NFIA: variants seen among roughly 807,000 people sequenced by gnomAD.
The protein encoded by NFIA is nuclear factor I A.
In NFIA, 8 loss-of-function variants were observed where a neutral mutation model predicts 62.8. The observed-to-expected ratio is 0.13, with a 90% CI of 0.07 to 0.23. The LOEUF is 0.23. NFIA is among the 10% of genes least tolerant of loss of function. The probability of loss-of-function intolerance (pLI) is 1.00; values close to 1 mark genes in which losing one functional copy is unlikely to be tolerated. For missense variants in NFIA, 410 were observed against 642.1 expected (o/e 0.64, Z 3.91); for synonymous variants, 235 against 238.1 (o/e 0.99, Z 0.12).
chr1:61,267,920 G>A (rs376536230), intron 2 of NFIA, among the ~76,000 whole-genome samples: 187 of 152,192 alleles, frequency 1.2e-3, no homozygotes, highest in African/African-American at 4.3e-3. Context: ...GATGCCAAGC[G>A]AATGAATGAA....
intron 2 of NFIA, among the ~76,000 whole-genome samples, chr1:61,212,929 C>T (rs948858623): frequency 1.1e-4 from 17 of 152,156 alleles, no homozygotes; most frequent in African/African-American, 4.1e-4. Context: ...GCTAATGTTG[C>T]CTTCACACTG....
chr1:61,424,588 C>T (rs1422782614), intron 9 of NFIA, among the ~76,000 whole-genome samples: 1 of 152,130 alleles, frequency 6.6e-6, no homozygotes, highest in Non-Finnish European at 1.5e-5. Context: ...TCTCAACCTA[C>T]CTACCTATTC....
chr1:61,280,966 A>G (rs1389398513), intron 3 of NFIA, among the ~76,000 whole-genome samples: 1 of 152,174 alleles, frequency 6.6e-6, no homozygotes, highest in African/African-American at 2.4e-5. Context: ...AAAGGAGGCC[A>G]GGTGCAGTGG....
chr1:61,242,452 T>C (rs1448933064), intron 2 of NFIA, among the ~76,000 whole-genome samples: 1 of 152,176 alleles, frequency 6.6e-6, no homozygotes, highest in Non-Finnish European at 1.5e-5. Flanking sequence ...AAGAATTTTA[T>C]TTGAACCCTC....
intron 2 of NFIA, among the ~76,000 whole-genome samples, chr1:61,137,906 T>C (rs578117884): frequency 5.3e-4 from 81 of 152,190 alleles, no homozygotes; most frequent in African/African-American, 1.9e-3. Context: ...CACTGTCTAT[T>C]CTTAATGTTA....
chr1:61,127,311 G>A (rs1261484621), intron 2 of NFIA, among the ~76,000 whole-genome samples: 3 of 151,700 alleles, frequency 2.0e-5, no homozygotes, highest in African/African-American at 7.3e-5. Flanking sequence ...CAAAAAATTA[G>A]CCGGGCATGG....
chr1:61,103,472 C>T lies in NFIA; in HGVS notation c.559+14792C>T, dbSNP rs533688076. Among the ~76,000 whole-genome samples the T allele has an allele frequency of 5.1e-4, 78 of 152,254 alleles. 1 individual carries two copies. Among genetic ancestry groups the T allele is most frequent in the African/African-American group, 1.8e-3 (74 of 41,552 alleles). The stretch of plus-strand genomic sequence containing the variant: ...TATTAGTACTTGCCATTAGCACTTC[C>T]TTTATCATAATAAAACTATTTGTCT... On this transcript the variant is annotated intron_variant, in intron 2 of 10. Coordinates refer to ENST00000403491, the MANE Select transcript of NFIA (RefSeq NM_001134673.4).
intron 2 of NFIA, among the ~76,000 whole-genome samples, chr1:61,236,459 T>C (rs1416921930): frequency 1.3e-5 from 2 of 152,210 alleles, no homozygotes; most frequent in Non-Finnish European, 2.9e-5. Flanking sequence ...TTCTCACCAA[T>C]GTACTTCATC....
chr1:61,185,541 C>T (rs1187234240), intron 2 of NFIA, among the ~76,000 whole-genome samples: 1 of 151,784 alleles, frequency 6.6e-6, no homozygotes, highest in South Asian at 2.1e-4. Context: ...CCAATGTTTT[C>T]TTATGCATCT....
intron 4 of NFIA, among the ~76,000 whole-genome samples, chr1:61,348,136 A>G (rs573350620): frequency 1.4e-4 from 22 of 152,260 alleles, no homozygotes; most frequent in African/African-American, 5.3e-4. Flanking sequence ...AGAATACCCA[A>G]CCCAATGCAA....
chr1:61,149,720 T>C (rs1648267235), intron 2 of NFIA, among the ~76,000 whole-genome samples: 2 of 152,186 alleles, frequency 1.3e-5, no homozygotes, highest in South Asian at 2.1e-4. Flanking sequence ...TTCTCTGAGT[T>C]CCCCTGTCTC....
chr1:61,200,020 A>ATG (rs1652327033), intron 2 of NFIA, among the ~76,000 whole-genome samples: 1 of 15,530 alleles, frequency 6.4e-5, no homozygotes, highest in Non-Finnish European at 1.2e-4. Context: ...GTATATATAT[A>ATG]TATATATATA....
At chr1:61,442,989 AGG>A (rs1368309247) in intron 10 of NFIA, among the ~76,000 whole-genome samples, 2 of 152,182 alleles carry the variant, frequency 1.3e-5, no homozygotes, top group African/African-American at 4.8e-5. Context: ...TTTCCAGCAG[AGG>A]GTTTTATTTA....
chr1:61,339,585 A>G (rs1661791150), intron 4 of NFIA, among the ~76,000 whole-genome samples: 1 of 152,126 alleles, frequency 6.6e-6, no homozygotes, highest in South Asian at 2.1e-4. Context: ...AATTCAATAA[A>G]TTTTCAAAAT....
intron 2 of NFIA, among the ~76,000 whole-genome samples, chr1:61,174,569 T>G (rs951635859): frequency 6.6e-6 from 1 of 152,192 alleles, no homozygotes; most frequent in African/African-American, 2.4e-5. Context: ...AGGAAGTAAG[T>G]AAATAAAGCT....
rs181522525 is a variant in NFIA at position 61,204,140 on chromosome 1, G to A, written c.560-73380G>A. On this transcript the variant is annotated intron_variant, in intron 2 of 10. Transcript: ENST00000403491. ...ACGGGGGCCTTTCTGCATCCACATT[G>A]CTCTCATTAAAGTGACCCCTGCTTT... is the stretch of plus-strand genomic sequence containing the variant. Among the ~76,000 whole-genome samples, 50 of 152,288 alleles carry A rather than the reference G, an allele frequency of 3.3e-4. No homozygotes were observed. The East Asian group carries it at 9.1e-3, about 28-fold the overall frequency.
chr1:61,337,998 A>G (rs994350871), intron 4 of NFIA, among the ~76,000 whole-genome samples: 4 of 147,306 alleles, frequency 2.7e-5, no homozygotes, highest in African/African-American at 9.9e-5. Flanking sequence ...CTTCACTGGG[A>G]AAGAGGAAAA....
intron 10 of NFIA, among the ~76,000 whole-genome samples, chr1:61,441,512 T>A (rs891303916): frequency 6.6e-6 from 1 of 152,194 alleles, no homozygotes; most frequent in African/African-American, 2.4e-5. Context: ...AGGGAGGACC[T>A]TTGATTTAAA....
chr1:61,430,171 C>T (rs1448936472), intron 10 of NFIA, among the ~76,000 whole-genome samples: 1 of 152,136 alleles, frequency 6.6e-6, no homozygotes. Flanking sequence ...TTCTGTAAAA[C>T]AGTCAGAGCA....
Sources: gnomAD v4.1 joint callset for allele counts (sites outside exome capture counted in the v4.1 genomes callset) on GRCh38, gnomAD v4.1.1 for gene constraint, MANE v1.5 for transcripts, NCBI Gene and HGNC (gene_info 2026-07-23, HGNC 2026-07-21) for gene names.